The following BEND6 variants were observed in gnomAD, a reference collection of about 807,000 sequenced individuals.
BEND6 encodes the protein BEN domain-containing protein 6.
A neutral mutation model predicts 31.8 loss-of-function variants in BEND6; 24 were observed. That is an observed-to-expected ratio of 0.75 (90% confidence interval 0.55 to 1.06). BEND6 has a LOEUF of 1.06. BEND6 is among the 50% of genes least tolerant of loss of function. The pLI is 0.00. For synonymous variants in BEND6, 109 were observed against 114.6 expected (o/e 0.95, Z 0.31); for missense variants, 294 against 327.4 (o/e 0.90, Z 0.79).
At position 57,015,348 on chromosome 6, in the gene BEND6, A is replaced by G. The variant is rs767401776; in HGVS notation, c.514A>G (p.Lys172Glu). The change falls in exon 4 of 7, where the codon AAA becomes GAA. Residue 172 changes from lysine to glutamate, a missense_variant. By Grantham distance (56) the Lys-to-Glu change is moderately conservative. Coordinates refer to ENST00000370746, the MANE Select transcript of BEND6 (RefSeq NM_152731.3). ...TGAGGAAGAGCATCAGACTGATGAG[A>G]AACAGGTCAGTTGTAATACCCGCCT... is the stretch of plus-strand genomic sequence containing the variant. ...KPEEEHQTDE[K>E]QFQIEKWQIA... 1.9e-6 allele frequency: 3 copies of G among 1,612,138 alleles called. No individual in the cohort carries two copies. The highest frequency in any genetic ancestry group is 1.1e-5 in the South Asian group (1 of 91,000).
intron 1 of BEND6, among the ~76,000 whole-genome samples, chr6:56,960,319 A>G (rs1825245227): frequency 6.6e-6 from 1 of 152,210 alleles, no homozygotes; most frequent in Non-Finnish European, 1.5e-5. Flanking sequence ...AAGAATGGGC[A>G]ATTTACAAAG....
chr6:56,983,380 G>A (rs182877752), intron 2 of BEND6, among the ~76,000 whole-genome samples: 35 of 152,260 alleles, frequency 2.3e-4, no homozygotes, highest in Middle Eastern at 6.8e-3. Flanking sequence ...GTCCTCGTGT[G>A]CTACGTTAGA....
chr6:56,979,691 A>G (rs1826004104), intron 1 of BEND6, among the ~76,000 whole-genome samples: 1 of 152,176 alleles, frequency 6.6e-6, no homozygotes. Flanking sequence ...TTAGATTTTG[A>G]AGTTTTGAAA....
At chr6:56,979,713 T>C (rs1434873985) in intron 1 of BEND6, among the ~76,000 whole-genome samples, 1 of 152,244 alleles carries the variant, frequency 6.6e-6, no homozygotes, top group African/African-American at 2.4e-5. Flanking sequence ...TTTGAAAATT[T>C]GTCTTCTCTC....
At chr6:57,014,991 C>A in intron 3 of BEND6, 142 bp from the exon 4 acceptor site, 1 of 600,246 alleles carries the variant, frequency 1.7e-6, no homozygotes, top group Non-Finnish European at 2.8e-6. Flanking sequence ...AAACACCTTT[C>A]CTGCCATGTT....
chr6:56,980,273 C>T (rs114003203), intron 1 of BEND6, among the ~76,000 whole-genome samples: 10,970 of 152,170 alleles, frequency 0.072, 527 homozygotes, highest in East Asian at 0.18. Context: ...ACTACAACTT[C>T]CACCTCCCAG....
Position 56,994,413 on chromosome 6 carries a change from G to A in BEND6, c.298+1858G>A, listed in dbSNP as rs900861274. 2.1e-4 allele frequency among the ~76,000 whole-genome samples: 27 copies of A among 128,894 alleles called. No individual in the cohort carries two copies. The Admixed American group carries it at 2.3e-3, about 11-fold the overall frequency. The allele number at this position is 128,894 out of a possible 152,430, so 84.6% of individuals were successfully genotyped here. On this transcript the variant is annotated intron_variant, in intron 3 of 6. Transcript: ENST00000370746. Reference sequence around the variant, plus strand: ...GCGGAGCTTGCAGTGAGCCGAGATCGTGCCCCTGCACTCCAGCCTGGGCGA... The same window carrying A: ...GCGGAGCTTGCAGTGAGCCGAGATCATGCCCCTGCACTCCAGCCTGGGCGA...
intron 1 of BEND6, among the ~76,000 whole-genome samples, chr6:56,958,299 G>A (rs911741018): frequency 2.0e-5 from 3 of 152,082 alleles, no homozygotes; most frequent in Admixed American, 6.5e-5. Context: ...TTAAAAAGGC[G>A]GCAGAAACAT....
intron 1 of BEND6, among the ~76,000 whole-genome samples, chr6:56,958,326 T>G (rs2127835968): frequency 6.6e-6 from 1 of 152,264 alleles, no homozygotes; most frequent in South Asian, 2.1e-4. Context: ...CAGTACTTTC[T>G]TAGAGGCAGA....
At chr6:56,960,518 G>T (rs1242321702) in intron 1 of BEND6, among the ~76,000 whole-genome samples, 2 of 152,198 alleles carry the variant, frequency 1.3e-5, no homozygotes, top group Admixed American at 6.5e-5. Context: ...TACAAATTAA[G>T]TTCTAGGTTG....
intron 1 of BEND6, among the ~76,000 whole-genome samples, chr6:56,977,725 G>A (rs879330858): frequency 7.9e-5 from 12 of 152,168 alleles, no homozygotes; most frequent in Non-Finnish European, 1.5e-4. Context: ...GGAAGGCCAA[G>A]GCAGGAAGGT....
chr6:56,967,972 G>A (rs1404819706), intron 1 of BEND6, among the ~76,000 whole-genome samples: 1 of 152,174 alleles, frequency 6.6e-6, no homozygotes, highest in Non-Finnish European at 1.5e-5. Flanking sequence ...GAGGTTAAAT[G>A]CATAGAATAG....
intron 6 of BEND6, among the ~76,000 whole-genome samples, chr6:57,024,072 T>C (rs1192951445): frequency 6.6e-6 from 1 of 152,210 alleles, no homozygotes; most frequent in Non-Finnish European, 1.5e-5. Flanking sequence ...TAAAAAAACT[T>C]TATAAAGGGG....
chr6:57,015,060 C>T, intron 3 of BEND6, 73 bp from the exon 4 acceptor site: 1 of 1,320,630 alleles, frequency 7.6e-7, no homozygotes, highest in Non-Finnish European at 1.1e-6. Context: ...CACATACACT[C>T]AACAAAAAAA....
chr6:56,963,229 C>T (rs1199669285), intron 1 of BEND6, among the ~76,000 whole-genome samples: 2 of 152,170 alleles, frequency 1.3e-5, no homozygotes, highest in Non-Finnish European at 2.9e-5. Context: ...AGCTACTCTT[C>T]CTCTCTTCTG....
intron 1 of BEND6, among the ~76,000 whole-genome samples, chr6:56,974,751 T>C (rs1376465259): frequency 1.3e-5 from 2 of 152,234 alleles, no homozygotes; most frequent in Non-Finnish European, 2.9e-5. Context: ...TTATTTCTGC[T>C]CCTTTCATAT....
chr6:57,010,971 C>A, intron 3 of BEND6: 1 of 372,930 alleles, frequency 2.7e-6, no homozygotes, highest in Non-Finnish European at 3.7e-6. Flanking sequence ...AATAATAAAG[C>A]TAATACATTC....
At chr6:56,986,219 T>A (rs1826267434) in intron 2 of BEND6, among the ~76,000 whole-genome samples, 1 of 152,130 alleles carries the variant, frequency 6.6e-6, no homozygotes. Flanking sequence ...TGTATATATA[T>A]ACAAACACAT....
intron 6 of BEND6, among the ~76,000 whole-genome samples, chr6:57,021,767 A>G (rs1827750442): frequency 3.3e-5 from 5 of 152,156 alleles, no homozygotes; most frequent in Admixed American, 3.3e-4. Context: ...AGGGTATATA[A>G]TCTCTGGCGT....
Sources: allele counts gnomAD v4.1 joint callset (sites outside exome capture counted in the v4.1 genomes callset), GRCh38; gene constraint gnomAD v4.1.1; transcripts MANE v1.5; gene names NCBI Gene and HGNC (gene_info 2026-07-23, HGNC 2026-07-21).